Variants in ABTB3 observed in about 807,000 individuals in gnomAD.
ABTB3 encodes the protein ankyrin repeat and BTB domain containing 3, also known as ankyrin repeat- and BTB/POZ domain-containing protein 3.
chr12:107,431,351 C>T, the ABTB3 span, among the ~76,000 whole-genome samples: 1 of 152,314 alleles, frequency 6.6e-6, no homozygotes, highest in East Asian at 1.9e-4. Context: ...TGCCTCACAC[C>T]TGTAATCCCA....
At chr12:107,513,651 C>G in the ABTB3 span, among the ~76,000 whole-genome samples, 1 of 152,244 alleles carries the variant, frequency 6.6e-6, no homozygotes, top group South Asian at 2.1e-4. Context: ...TGAAAATGGA[C>G]TAATATAGCA....
the ABTB3 span, among the ~76,000 whole-genome samples, chr12:107,423,543 T>C: frequency 6.6e-6 from 1 of 152,102 alleles, no homozygotes. Flanking sequence ...AAGTGGGACA[T>C]TGATGGTGCA....
At chr12:107,469,866 T>TTTTCTTTCTTTCTTTTTCTTTCTTTC in the ABTB3 span, among the ~76,000 whole-genome samples, 9 of 75,502 alleles carry the variant, frequency 1.2e-4, no homozygotes, top group African/African-American at 3.8e-4. Flanking sequence ...TCTTTCTTTC[T>TTTTCTTTCTTTCTTTTTCTTTCTTTC]TTTCTTTCTT....
the ABTB3 span, among the ~76,000 whole-genome samples, chr12:107,476,279 C>T: frequency 6.6e-6 from 1 of 152,094 alleles, no homozygotes; most frequent in Non-Finnish European, 1.5e-5. Flanking sequence ...CCACCCCAGC[C>T]CCTCCTTCTA....
the ABTB3 span, among the ~76,000 whole-genome samples, chr12:107,592,909 G>A: frequency 6.6e-6 from 1 of 152,142 alleles, no homozygotes; most frequent in East Asian, 1.9e-4. Context: ...TATGTGTGCT[G>A]AAAATAATTC....
chr12:107,480,305 G>A, the ABTB3 span, among the ~76,000 whole-genome samples: 2 of 152,158 alleles, frequency 1.3e-5, no homozygotes. Context: ...TATCCTATAG[G>A]AAACAGGGAG....
the ABTB3 span, among the ~76,000 whole-genome samples, chr12:107,472,453 A>G: frequency 6.6e-6 from 1 of 152,228 alleles, no homozygotes; most frequent in Non-Finnish European, 1.5e-5. Context: ...CTCTGGGGCC[A>G]GACTCCTTTG....
chr12:107,482,519 C>A, the ABTB3 span, among the ~76,000 whole-genome samples: 2 of 152,144 alleles, frequency 1.3e-5, no homozygotes, highest in East Asian at 3.9e-4. Context: ...ACAAGAAGAG[C>A]CCTGATCTAG....
the ABTB3 span, among the ~76,000 whole-genome samples, chr12:107,362,845 T>C: frequency 6.6e-6 from 1 of 152,132 alleles, no homozygotes; most frequent in Non-Finnish European, 1.5e-5. Context: ...ACATTTTTCA[T>C]GCATCTTTTC....
At chr12:107,450,410 C>T in the ABTB3 span, among the ~76,000 whole-genome samples, 9 of 152,050 alleles carry the variant, frequency 5.9e-5, no homozygotes, top group African/African-American at 2.2e-4. Flanking sequence ...AATGAAGACT[C>T]CATCCCTCGA....
chr12:107,415,368 C>G, the ABTB3 span, among the ~76,000 whole-genome samples: 1 of 152,134 alleles, frequency 6.6e-6, no homozygotes, highest in Non-Finnish European at 1.5e-5. Flanking sequence ...CAGAGAAGAA[C>G]AGTGCCCACT....
At chr12:107,647,962 A>C in the ABTB3 span, among the ~76,000 whole-genome samples, 1 of 152,184 alleles carries the variant, frequency 6.6e-6, no homozygotes, top group African/African-American at 2.4e-5. Flanking sequence ...GGGACCATTG[A>C]GGACAACCCA....
the ABTB3 span, chr12:107,319,028 C>T: frequency 8.7e-6 from 14 of 1,613,438 alleles, no homozygotes; most frequent in Middle Eastern, 8.2e-4. Flanking sequence ...GGACTCGGTG[C>T]GCTCCTCCAA....
At chr12:107,548,443 T>C in the ABTB3 span, among the ~76,000 whole-genome samples, 9 of 152,260 alleles carry the variant, frequency 5.9e-5, no homozygotes, top group Admixed American at 1.3e-4. Context: ...CTGAGGTATT[T>C]GGAAGTAGGC....
At chr12:107,369,706 G>GTTTTT in the ABTB3 span, among the ~76,000 whole-genome samples, 6 of 74,776 alleles carry the variant, frequency 8.0e-5, no homozygotes, top group African/African-American at 2.8e-4. Context: ...GCCCAAACAT[G>GTTTTT]GTTTTTTTTT....
At chr12:107,347,198 G>T in the ABTB3 span, among the ~76,000 whole-genome samples, 1 of 152,080 alleles carries the variant, frequency 6.6e-6, no homozygotes, top group East Asian at 1.9e-4. Context: ...TTAATTTAGT[G>T]CAAACCAATT....
the ABTB3 span, among the ~76,000 whole-genome samples, chr12:107,598,039 A>C: frequency 6.6e-6 from 1 of 152,248 alleles, no homozygotes; most frequent in African/African-American, 2.4e-5. Context: ...CTAGAGCATT[A>C]GGCTCACCTC....
chr12:107,583,275 T>C, the ABTB3 span, among the ~76,000 whole-genome samples: 1 of 152,218 alleles, frequency 6.6e-6, no homozygotes, highest in African/African-American at 2.4e-5. Context: ...CTGCTACCGC[T>C]GAAATAATAA....
chr12:107,580,777 C>T, the ABTB3 span: 4 of 1,458,166 alleles, frequency 2.7e-6, no homozygotes, highest in East Asian at 2.5e-5. Flanking sequence ...ATTGGTTTTC[C>T]GCCGCTCCAG....
Sources: gnomAD v4.1 joint callset for allele counts (sites outside exome capture counted in the v4.1 genomes callset) on GRCh38, gnomAD v4.1.1 for gene constraint, MANE v1.5 for transcripts, NCBI Gene and HGNC (gene_info 2026-07-23, HGNC 2026-07-21) for gene names.